IHO1: variants seen among roughly 807,000 people sequenced by gnomAD.
IHO1 encodes the protein interactor of HORMAD1 protein 1.
In IHO1, 13 loss-of-function variants were observed where a neutral mutation model predicts 31.0. That is an observed-to-expected ratio of 0.42 (90% confidence interval 0.27 to 0.67). The LOEUF (loss-of-function observed/expected upper bound fraction) is 0.67, where lower values mean the gene tolerates loss of function less well. Ranked by LOEUF, IHO1 falls within the 30% of genes least tolerant of loss-of-function variation. The pLI is 0.24. For missense variants in IHO1, 599 were observed against 687.5 expected, an observed-to-expected ratio of 0.87 and a Z score of 1.44; for synonymous variants, 221 against 248.4, an observed-to-expected ratio of 0.89 and a Z score of 1.04.
chr3:49,195,647 G>A (rs185213634), upstream of IHO1, among the ~76,000 whole-genome samples: 12 of 151,922 alleles, frequency 7.9e-5, no homozygotes, highest in Admixed American at 2.0e-4. Context: ...CCAGGAGACC[G>A]AGCTTGCAGT....
chr3:49,212,030 G>C (rs1218482968), intron 2 of IHO1, among the ~76,000 whole-genome samples, 194 bp downstream of exon 2: 1 of 152,096 alleles, frequency 6.6e-6, no homozygotes, highest in Non-Finnish European at 1.5e-5. Flanking sequence ...CGGGCATGGT[G>C]GCGGGTGCCT....
intron 1 of IHO1, among the ~76,000 whole-genome samples, chr3:49,206,180 GGTCTCGATCTCCT>G (rs1443077139): frequency 2.0e-5 from 3 of 152,128 alleles, no homozygotes; most frequent in Admixed American, 1.3e-4. Flanking sequence ...TAGCCAGGAT[GGTCTCGATCTCCT>G]GACCTCATGA....
chr3:49,224,852 G>T (rs562911741), intron 2 of IHO1, among the ~76,000 whole-genome samples: 1 of 151,966 alleles, frequency 6.6e-6, no homozygotes, highest in East Asian at 1.9e-4. Context: ...TGAGGGCTAC[G>T]CATGTATGTA....
At chr3:49,229,182 C>T (rs1174586970) in intron 2 of IHO1, among the ~76,000 whole-genome samples, 2 of 152,188 alleles carry the variant, frequency 1.3e-5, no homozygotes, top group Non-Finnish European at 2.9e-5. Flanking sequence ...GGTGCATTTA[C>T]AATCCTCTAG....
intron 1 of IHO1, among the ~76,000 whole-genome samples, chr3:49,211,147 A>G (rs1326430370): frequency 3.3e-5 from 5 of 150,598 alleles, no homozygotes; most frequent in Non-Finnish European, 7.4e-5. Flanking sequence ...AGGTGGGACT[A>G]CAGGCACCCA....
chr3:49,256,184 T>A lies in IHO1; in HGVS notation c.687T>A (p.Val229=). 1 of 1,613,736 alleles carries A rather than the reference T, an allele frequency of 6.2e-7. No homozygotes were observed. The highest frequency in any genetic ancestry group is 8.5e-7 in the Non-Finnish European group (1 of 1,179,906). The part of the protein sequence containing the change: ...EMKSNLKHLE[V]LVAQQSQEFQ... ...AGTCCAACCTGAAGCACCTTGAAGT[T>A]TTAGTTGCTCAGCAGAGTCAGGAAT... Residue 229 remains valine (V), a synonymous_variant, in exon 8 of 8, where the codon GTT becomes GTA. Coordinates refer to ENST00000452691, the MANE Select transcript of IHO1 (RefSeq NM_001135197.2). The surrounding 1 kb of genome is among the most constrained non-coding windows in gnomAD (Gnocchi z 4.6).
chr3:49,221,287 C>A (rs995737013), intron 2 of IHO1, among the ~76,000 whole-genome samples: 5 of 150,860 alleles, frequency 3.3e-5, no homozygotes, highest in African/African-American at 1.2e-4. Context: ...AGACACAGAG[C>A]ACTGATTGGT....
chr3:49,256,222 G>A lies in IHO1; in HGVS notation c.725G>A (p.Cys242Tyr), dbSNP rs1199733443. 5.0e-6 allele frequency: 8 copies of A among 1,614,148 alleles called. No individual in the cohort carries two copies. In the South Asian group the frequency reaches 5.5e-5, roughly 11 times the overall value. ...CAGAGTCAGGAATTCCAGCAGCTGT[G>A]TGAGCAGCTAGGCCAGCTGAATGTG... ...AQQSQEFQQLCEQLGQLNVPS... is the reference protein window; with the variant it reads ...AQQSQEFQQLYEQLGQLNVPS... The change falls in exon 8 of 8, where the codon TGT becomes TAT. Residue 242 changes from cysteine (C) to tyrosine (Y), a missense_variant. Coordinates refer to ENST00000452691, the MANE Select transcript of IHO1 (RefSeq NM_001135197.2). This position sits in a 1 kb window ranked among gnomAD's most constrained non-coding sequence, Gnocchi z 4.6.
intron 6 of IHO1, 58 bp downstream of exon 6, chr3:49,244,791 C>CT (rs1384953258): frequency 5.5e-6 from 8 of 1,446,758 alleles, no homozygotes; most frequent in Non-Finnish European, 7.8e-6. Flanking sequence ...TGAACATGAA[C>CT]TTTCTGACCC....
chr3:49,237,272 A>G (rs887340662), intron 3 of IHO1, among the ~76,000 whole-genome samples: 1 of 152,056 alleles, frequency 6.6e-6, no homozygotes, highest in Non-Finnish European at 1.5e-5. Context: ...GCTTGAACTC[A>G]GGAGGTAGAG....
At chr3:49,200,475 A>AAAGAAAGGAAGAAAG (rs367907809) in intron 1 of IHO1, 1 of 103,858 alleles carries the variant, frequency 9.6e-6, no homozygotes, top group Non-Finnish European at 1.3e-5. Flanking sequence ...AAAAAAAAAA[A>AAAGAAAGGAAGAAAG]AAAGAAAGAA....
chr3:49,224,051 T>C (rs553562706), intron 2 of IHO1, among the ~76,000 whole-genome samples: 1 of 152,308 alleles, frequency 6.6e-6, no homozygotes, highest in Non-Finnish European at 1.5e-5. Context: ...TTTGGCCATT[T>C]GATGAGTGTT....
At chr3:49,195,064 A>T (rs144296444), upstream of IHO1, among the ~76,000 whole-genome samples, 5 of 152,064 alleles carry the variant, frequency 3.3e-5, no homozygotes, top group East Asian at 9.8e-4. Context: ...CAGCCTGGTC[A>T]ATATGAGACC....
At chr3:49,208,346 C>A (rs1162198130) in intron 1 of IHO1, among the ~76,000 whole-genome samples, 1 of 152,198 alleles carries the variant, frequency 6.6e-6, no homozygotes, top group Non-Finnish European at 1.5e-5. Flanking sequence ...AGCTCTATCT[C>A]CTGTCAGGTC....
Position 49,256,808 on chromosome 3 carries a change from G to C in IHO1, c.1311G>C (p.Arg437=), listed in dbSNP as rs756976736. The C allele has an allele frequency of 1.4e-5, 22 of 1,614,240 alleles. No homozygotes were observed. The highest frequency in any genetic ancestry group is 1.7e-5 in the Non-Finnish European group (20 of 1,180,046). The part of the protein sequence containing the change: ...IKQKDGTVEM[R]GKDKKQQPRK... ...AGAAAGATGGGACTGTAGAAATGCG[G>C]GGGAAAGACAAGAAGCAGCAGCCCA... Residue 437 remains arginine, a synonymous_variant, in exon 8 of 8, where the codon CGG becomes CGC. Transcript: ENST00000452691. This position sits in a 1 kb window ranked among gnomAD's most constrained non-coding sequence, Gnocchi z 4.6.
At chr3:49,193,473 C>A (rs988574653), upstream of IHO1, among the ~76,000 whole-genome samples, 5 of 150,568 alleles carry the variant, frequency 3.3e-5, no homozygotes, top group East Asian at 7.9e-4. Flanking sequence ...CTGAGGCGGG[C>A]GGATCACAAG....
intron 2 of IHO1, among the ~76,000 whole-genome samples, chr3:49,236,253 T>A (rs1459830651): frequency 6.6e-6 from 1 of 152,176 alleles, no homozygotes; most frequent in Admixed American, 6.6e-5. Flanking sequence ...TCTCTACAAT[T>A]TTATGAACTG....
chr3:49,233,132 T>C (rs1470773587), intron 2 of IHO1, among the ~76,000 whole-genome samples: 1 of 152,130 alleles, frequency 6.6e-6, no homozygotes, highest in African/African-American at 2.4e-5. Context: ...CAAGCTTGAA[T>C]TGCACCTCTC....
chr3:49,225,023 G>T (rs189120017), intron 2 of IHO1, among the ~76,000 whole-genome samples: 18 of 152,264 alleles, frequency 1.2e-4, no homozygotes, highest in Middle Eastern at 3.4e-3. Flanking sequence ...TCACTAAGAC[G>T]GCCACTGCCG....
Sources: gnomAD v4.1 joint callset for allele counts (sites outside exome capture counted in the v4.1 genomes callset) on GRCh38, gnomAD v4.1.1 for gene constraint, Gnocchi (gnomAD v3.1) non-coding constraint, MANE v1.5 for transcripts, NCBI Gene and HGNC (gene_info 2026-07-23, HGNC 2026-07-21) for gene names.